Variants in THUMPD3 observed in about 807,000 individuals in gnomAD.
The protein encoded by THUMPD3 is tRNA (guanine(6)-N(2))-methyltransferase THUMP3.
In THUMPD3, 44 loss-of-function variants were observed where a neutral mutation model predicts 54.5. That is an observed-to-expected ratio of 0.81 (90% CI 0.63 to 1.04). The LOEUF is 1.04. THUMPD3 is among the 50% of genes least tolerant of loss of function. THUMPD3 has a pLI of 0.00. For synonymous variants in THUMPD3, 196 were observed against 201.4 expected, an observed-to-expected ratio of 0.97 and a Z score of 0.23; for missense variants, 604 against 601.3, an observed-to-expected ratio of 1.00 and a Z score of -0.05.
At chr3:9,367,790 G>C (rs1227359779) in intron 3 of THUMPD3, among the ~76,000 whole-genome samples, 1 of 152,206 alleles carries the variant, frequency 6.6e-6, no homozygotes, top group African/African-American at 2.4e-5. Context: ...TAAGGGCCTG[G>C]CGTGGTGGCT....
At chr3:9,372,903 T>C (rs1419280065) in intron 4 of THUMPD3, among the ~76,000 whole-genome samples, 2 of 152,180 alleles carry the variant, frequency 1.3e-5, no homozygotes, top group East Asian at 3.8e-4. Context: ...TTCTAACTTT[T>C]TTGTGCATGT....
At chr3:9,367,926 G>C (rs1046986364) in intron 3 of THUMPD3, among the ~76,000 whole-genome samples, 10 of 152,038 alleles carry the variant, frequency 6.6e-5, no homozygotes, top group African/African-American at 2.4e-4. Flanking sequence ...TTAGCCGGGC[G>C]TAGTGGTGGG....
At chr3:9,370,988 A>C in intron 3 of THUMPD3, 72 bp from the exon 4 acceptor site, 2 of 1,315,426 alleles carry the variant, frequency 1.5e-6, no homozygotes, top group South Asian at 1.5e-5. Flanking sequence ...ACTGTCCATA[A>C]GCAAAGTAGA....
intron 5 of THUMPD3, among the ~76,000 whole-genome samples, chr3:9,375,799 C>T (rs1482447631): frequency 6.6e-6 from 1 of 152,158 alleles, no homozygotes; most frequent in East Asian, 1.9e-4. Context: ...CAAACCTGTA[C>T]AGCATGTTAT....
At chr3:9,381,921 A>T (rs1430968683) in intron 7 of THUMPD3, among the ~76,000 whole-genome samples, 1 of 150,612 alleles carries the variant, frequency 6.6e-6, no homozygotes, top group Non-Finnish European at 1.5e-5. Flanking sequence ...CTGGGACTAC[A>T]GGCACCCGCC....
intron 2 of THUMPD3, among the ~76,000 whole-genome samples, chr3:9,365,732 C>T (rs1449654464): frequency 6.6e-6 from 1 of 152,050 alleles, no homozygotes; most frequent in East Asian, 1.9e-4. Context: ...GCTGGGACTA[C>T]AGGCGCCCGC....
intron 1 of THUMPD3, chr3:9,364,181 C>T (rs1327661078): frequency 6.6e-6 from 1 of 151,976 alleles, no homozygotes; most frequent in East Asian, 1.9e-4. Context: ...CTCCTAACGA[C>T]TCTAGGAAAG....
In THUMPD3 at chr3:9,377,860, T is replaced by C; in HGVS notation, c.980T>C (p.Met327Thr). The part of the protein sequence containing the change: ...PLPYDIIVDP[M>T]CGTGAIPIEG... ...CCTTATGATATAATAGTCGATCCAA[T>C]GTGTGGAACTGGGGCAATACCAATA... Residue 327 changes from methionine (M) to threonine (T), a missense_variant, in exon 6 of 10, where the codon ATG becomes ACG. Coordinates refer to ENST00000452837, the MANE Select transcript of THUMPD3 (RefSeq NM_001114092.2). 1.2e-6 allele frequency: 2 copies of C among 1,613,584 alleles called. No individual in the cohort carries two copies. Among genetic ancestry groups the C allele is most frequent in the Non-Finnish European group, 1.7e-6 (2 of 1,179,522 alleles).
rs143369584 is a variant in THUMPD3 at position 9,384,223 on chromosome 3, A to G, written c.1247A>G (p.Lys416Arg). The G allele has an allele frequency of 1.6e-4, 253 of 1,614,120 alleles. No individual in the cohort carries two copies. The highest frequency in any genetic ancestry group is 1.3e-3 in the Middle Eastern group (8 of 6,060). ...ACCTTCTATTATAGGATGGGATCCA[A>G]GAAGAGAAACTGGAACCTTTATCCA... ...DLPFGKRMGS[K>R]KRNWNLYPAC... The change falls in exon 9 of 10, where the codon AAG (lysine) becomes AGG (arginine). Residue 416 changes from lysine (K) to arginine (R), a missense_variant. By Grantham distance (26) the Lys-to-Arg change is conservative. Transcript: ENST00000452837.
Position 9,384,850 on chromosome 3 carries a change from T to C in THUMPD3, c.*162T>C. Reference sequence around the variant, plus strand: ...GGTGTGAATGTAATGTGATGGAATTTAAAAGTTTTATGAGACCAGGCACAG... The same window carrying C: ...GGTGTGAATGTAATGTGATGGAATTCAAAAGTTTTATGAGACCAGGCACAG... On this transcript the variant is annotated 3_prime_UTR_variant, in exon 10 of 10. Transcript: ENST00000452837. 1 of 813,012 alleles carries C rather than the reference T, an allele frequency of 1.2e-6. No individual in the cohort carries two copies. The highest frequency in any genetic ancestry group is 1.9e-6 in the Non-Finnish European group (1 of 530,954). The allele number at this position is 813,012 out of a possible 1,614,324, so 50.4% of individuals were successfully genotyped here. A position where few individuals can be genotyped will look rare whatever the true frequency, so the allele number is the denominator to read the frequency against.
rs773458082 is a variant in THUMPD3, at chr3:9,380,625, AT to A, written c.1124+10del. On this transcript the variant is annotated splice_region_variant and intron_variant, in intron 7 of 9. Coordinates refer to ENST00000452837, the MANE Select transcript of THUMPD3 (RefSeq NM_001114092.2). The stretch of plus-strand genomic sequence containing the variant: ...AGAGCCAAATTAAAGAAGGGTAAAA[AT>A]TTAAAAGATTTCTTAGCATCTTTTA... 1 of 1,579,462 alleles carries A rather than the reference AT, an allele frequency of 6.3e-7. No individual in the cohort carries two copies. Among genetic ancestry groups the A allele is most frequent in the East Asian group, 2.2e-5 (1 of 44,520 alleles).
At chr3:9,384,454 CAGTTAAGA>C (rs2033181013) in intron 9 of THUMPD3, 62 bp from the exon 10 acceptor site, 12 of 1,602,918 alleles carry the variant, frequency 7.5e-6, no homozygotes, top group Non-Finnish European at 1.0e-5. Flanking sequence ...CCTATCTTGG[CAGTTAAGA>C]ATCCTAGTTG....
rs1329412069 is a variant in THUMPD3 at position 9,371,314 on chromosome 3, G to C, written c.585G>C (p.Glu195Asp). The C allele has an allele frequency of 9.9e-6, 16 of 1,613,992 alleles. No individual in the cohort carries two copies. Among genetic ancestry groups the C allele is most frequent in the South Asian group, 3.3e-5 (3 of 91,076 alleles). Residue 195 changes from glutamate to aspartate, a missense_variant, in exon 4 of 10, where the codon GAG (glutamate) becomes GAC (aspartate). Physicochemically the swap from Glu to Asp is conservative, Grantham distance 45. Transcript: ENST00000452837. ...LDYYENPAIK[E>D]DVSTLIGDDL... ...ATTATGAAAATCCAGCCATCAAAGA[G>C]GATGTATCAACATTAATAGGTGATG...
rs370801028 is a variant in THUMPD3 at position 9,384,195 on chromosome 3, G to C, written c.1236-17G>C. On this transcript the variant is annotated splice_polypyrimidine_tract_variant and intron_variant, in intron 8 of 9. Coordinates refer to ENST00000452837, the MANE Select transcript of THUMPD3 (RefSeq NM_001114092.2). The stretch of plus-strand genomic sequence containing the variant: ...TATCTTTTGCAAGTGTTTGACTCAT[G>C]AGACCTTCTATTATAGGATGGGATC... 4 of 1,612,112 alleles carry C rather than the reference G, an allele frequency of 2.5e-6. No homozygotes were observed. In the African/African-American group the frequency reaches 5.4e-5, roughly 22 times the overall value.
chr3:9,383,354 T>C (rs2033068002), intron 8 of THUMPD3, 45 bp downstream of exon 8: 1 of 1,431,378 alleles, frequency 7.0e-7, no homozygotes, highest in African/African-American at 1.4e-5. Context: ...ATGTCATTAT[T>C]TTCCTTGCGT....
Position 9,371,165 on chromosome 3 carries a change from C to A in THUMPD3, c.436C>A (p.Arg146Ser). The change falls in exon 4 of 10, where the codon CGC becomes AGC. Residue 146 changes from arginine (R) to serine (S), a missense_variant. Arg to Ser is a moderately radical substitution (Grantham distance 110). Coordinates refer to ENST00000452837, the MANE Select transcript of THUMPD3 (RefSeq NM_001114092.2). ...CAGTTTTAAAAAGAAAAAAGCAAAG[C>A]GCAAAAAGATAAATCAGAATTCAAG... ...NASFKKKKAK[R>S]KKINQNSSKE... 1.2e-6 allele frequency: 2 copies of A among 1,611,326 alleles called. No homozygotes were observed. The highest frequency in any genetic ancestry group is 1.7e-6 in the Non-Finnish European group (2 of 1,179,444).
In THUMPD3 at chr3:9,371,101, C is replaced by T; in HGVS notation, c.372C>T (p.Leu124=). The part of the protein sequence containing the change: ...LKDFEDLAGK[L]PWSNPLKVWK... ...ATTTTGAAGACTTGGCTGGAAAACT[C>T]CCATGGTCAAACCCCTTAAAAGTGT... is the stretch of plus-strand genomic sequence containing the variant. The change falls in exon 4 of 10, where the codon CTC becomes CTT. Residue 124 remains leucine, a synonymous_variant. Coordinates refer to ENST00000452837, the MANE Select transcript of THUMPD3 (RefSeq NM_001114092.2). 1.9e-6 allele frequency: 3 copies of T among 1,581,828 alleles called. No individual in the cohort carries two copies. Among genetic ancestry groups the T allele is most frequent in the Non-Finnish European group, 2.6e-6 (3 of 1,171,178 alleles).
rs964578801 is a variant in THUMPD3 at position 9,385,326 on chromosome 3, A to T, written c.*638A>T. 6.6e-6 allele frequency: 1 copy of T among 152,234 alleles called. No individual in the cohort carries two copies. Among genetic ancestry groups the T allele is most frequent in the African/African-American group, 2.4e-5 (1 of 41,436 alleles). 9.4% of individuals were successfully genotyped at this position (152,234 alleles called of 1,614,324 possible). On this transcript the variant is annotated 3_prime_UTR_variant, in exon 10 of 10. Coordinates refer to ENST00000452837, the MANE Select transcript of THUMPD3 (RefSeq NM_001114092.2). ...CTATTTTCCATTGTGTCAAGTGCAA[A>T]ACTACCCTGGCCCAAAGGAAGGGCA...
At chr3:9,378,000 A>G in intron 6 of THUMPD3, 112 bp downstream of exon 6, 3 of 852,312 alleles carry the variant, frequency 3.5e-6, no homozygotes, top group Non-Finnish European at 5.6e-6. Context: ...TGGACCCAAG[A>G]GTTTTAAAAC....
Sources: gnomAD v4.1 joint callset for allele counts (sites outside exome capture counted in the v4.1 genomes callset) on GRCh38, gnomAD v4.1.1 for gene constraint, MANE v1.5 for transcripts, NCBI Gene and HGNC (gene_info 2026-07-23, HGNC 2026-07-21) for gene names.